EFCAB14: variants seen among roughly 807,000 people sequenced by gnomAD.
EFCAB14 encodes EF-hand calcium binding domain 14.
In EFCAB14, 43 loss-of-function variants were observed where a neutral mutation model predicts 56.5. That is an observed-to-expected ratio of 0.76 (90% CI 0.60 to 0.98). EFCAB14 has a LOEUF of 0.98. Among genes scored for constraint, EFCAB14 ranks in the 50% least tolerant of loss-of-function variants. The probability of loss-of-function intolerance (pLI) is 0.00; values close to 1 mark genes in which losing one functional copy is unlikely to be tolerated. For synonymous variants in EFCAB14, 235 were observed against 212.9 expected, an observed-to-expected ratio of 1.10 and a Z score of -0.90; for missense variants, 538 against 580.3, an observed-to-expected ratio of 0.93 and a Z score of 0.75.
At chr1:46,707,823 C>T (rs1419176355) in intron 3 of EFCAB14, 83 bp downstream of exon 3, 3 of 1,366,466 alleles carry the variant, frequency 2.2e-6, no homozygotes, top group Middle Eastern at 5.4e-4. Context: ...ATTCCCTATA[C>T]CTACAATTCT....
chr1:46,711,327 T>C (rs1472596568), intron 2 of EFCAB14, among the ~76,000 whole-genome samples: 1 of 152,252 alleles, frequency 6.6e-6, no homozygotes, highest in Non-Finnish European at 1.5e-5. Flanking sequence ...CATACTCAGG[T>C]ACCCCGAAGG....
chr1:46,694,244 A>G (rs924816318), intron 4 of EFCAB14, among the ~76,000 whole-genome samples: 1 of 152,216 alleles, frequency 6.6e-6, no homozygotes, highest in African/African-American at 2.4e-5. Context: ...TAACTAAACT[A>G]AAGAGCTTCT....
chr1:46,690,993 T>C (rs1157095521), intron 5 of EFCAB14, among the ~76,000 whole-genome samples: 1 of 152,104 alleles, frequency 6.6e-6, no homozygotes, highest in Non-Finnish European at 1.5e-5. Flanking sequence ...GAGTTACATA[T>C]AACTCATCTC....
chr1:46,703,172 C>T lies in EFCAB14; in HGVS notation c.480+4734G>A, dbSNP rs560923280. ...TCGCCCAGGCTGGAGTGCAATGGCACGATCTCAGCTCACTGCAACCTCTGC... is the reference window on the plus strand; with the variant it reads ...TCGCCCAGGCTGGAGTGCAATGGCATGATCTCAGCTCACTGCAACCTCTGC... On this transcript the variant is annotated intron_variant, in intron 3 of 10. Coordinates refer to ENST00000371933, the MANE Select transcript of EFCAB14 (RefSeq NM_014774.3). Among the ~76,000 whole-genome samples the T allele has an allele frequency of 9.9e-5, 15 of 151,868 alleles. No homozygotes were observed. The East Asian group carries it at 2.1e-3, about 22-fold the overall frequency.
intron 3 of EFCAB14, among the ~76,000 whole-genome samples, chr1:46,703,316 G>T (rs1677186814): frequency 6.6e-6 from 1 of 152,100 alleles, no homozygotes; most frequent in Non-Finnish European, 1.5e-5. Context: ...CACCATGTTG[G>T]CCAGGCTGGT....
chr1:46,678,355 GC>G lies in EFCAB14; in HGVS notation c.*105del, dbSNP rs1188192792. 7 of 1,212,336 alleles carry G rather than the reference GC, an allele frequency of 5.8e-6. No homozygotes were observed. The African/African-American group carries it at 1.1e-4, about 19-fold the overall frequency. The allele number at this position is 1,212,336 out of a possible 1,614,324, so 75.1% of individuals were successfully genotyped here. On this transcript the variant is annotated 3_prime_UTR_variant, in exon 11 of 11. Coordinates refer to ENST00000371933, the MANE Select transcript of EFCAB14 (RefSeq NM_014774.3). ...CAAGTTAAAAGGTGGCAAAGTATCTGCTACAGTAGTTTGGAGGACTAGAGGA... is the reference window on the plus strand; with the variant it reads ...CAAGTTAAAAGGTGGCAAAGTATCTGTACAGTAGTTTGGAGGACTAGAGGA...
Position 46,677,650 on chromosome 1 carries a change from T to A in EFCAB14, c.*811A>T, listed in dbSNP as rs1676716894. 1 of 152,140 alleles carries A rather than the reference T, an allele frequency of 6.6e-6. No individual in the cohort carries two copies. Among genetic ancestry groups the A allele is most frequent in the Non-Finnish European group, 1.5e-5 (1 of 68,028 alleles). 9.4% of individuals were successfully genotyped at this position (152,140 alleles called of 1,614,324 possible). A position where few individuals can be genotyped will look rare whatever the true frequency, so the allele number is the denominator to read the frequency against. ...AAAATGGAGCTCCCCAATGGATAAC[T>A]TTTTATGCTCATAAACCCTGAAATA... On this transcript the variant is annotated 3_prime_UTR_variant, in exon 11 of 11. Coordinates refer to ENST00000371933, the MANE Select transcript of EFCAB14 (RefSeq NM_014774.3).
rs769730395 is a variant in EFCAB14, at chr1:46,691,962, G to A, written c.580-25C>T. On this transcript the variant is annotated intron_variant, in intron 4 of 10. Coordinates refer to ENST00000371933, the MANE Select transcript of EFCAB14 (RefSeq NM_014774.3). Reference sequence around the variant, plus strand: ...TCTGAATGGAAACATATAGGAAGGTGTAAAAAAGCTTTAAGAGACAACTGA... The same window carrying A: ...TCTGAATGGAAACATATAGGAAGGTATAAAAAAGCTTTAAGAGACAACTGA... 60 of 1,577,908 alleles carry A rather than the reference G, an allele frequency of 3.8e-5. 1 individual carries two copies. The South Asian group carries it at 5.8e-4, about 15-fold the overall frequency.
chr1:46,710,522 A>C (rs1557450606), intron 2 of EFCAB14, among the ~76,000 whole-genome samples: 1 of 151,712 alleles, frequency 6.6e-6, no homozygotes, highest in Non-Finnish European at 1.5e-5. Context: ...CCTCTGTTGT[A>C]TTTTTTACTT....
chr1:46,691,757 A>C (rs1676995754), intron 5 of EFCAB14, 70 bp downstream of exon 5: 3 of 1,126,442 alleles, frequency 2.7e-6, no homozygotes, highest in Non-Finnish European at 3.9e-6. Context: ...AGATTAGTGG[A>C]AAGTTGGCAA....
chr1:46,691,796 A>G, intron 5 of EFCAB14, 31 bp downstream of exon 5: 1 of 1,545,282 alleles, frequency 6.5e-7, no homozygotes, highest in South Asian at 1.1e-5. Flanking sequence ...AAGGGTGAGC[A>G]GGAGCATGCT....
chr1:46,698,462 G>T (rs1677107492), intron 3 of EFCAB14, among the ~76,000 whole-genome samples: 1 of 152,148 alleles, frequency 6.6e-6, no homozygotes, highest in Middle Eastern at 3.4e-3. Context: ...GGAAGCACTA[G>T]AAAAAAATTA....
At chr1:46,710,134 A>G (rs1450990698) in intron 2 of EFCAB14, among the ~76,000 whole-genome samples, 5 of 152,220 alleles carry the variant, frequency 3.3e-5, no homozygotes, top group African/African-American at 1.2e-4. Context: ...GAAATGAGAT[A>G]TATTTATTCA....
chr1:46,702,825 CAG>C (rs892334299), intron 3 of EFCAB14, among the ~76,000 whole-genome samples: 2 of 152,164 alleles, frequency 1.3e-5, no homozygotes, highest in African/African-American at 4.8e-5. Flanking sequence ...GAGAGCTACA[CAG>C]AGTACTATAG....
At chr1:46,712,708 C>A (rs776833272) in intron 2 of EFCAB14, among the ~76,000 whole-genome samples, 1 of 152,004 alleles carries the variant, frequency 6.6e-6, no homozygotes, top group African/African-American at 2.4e-5. Flanking sequence ...AAAAAATTAA[C>A]CTTAAAAAAT....
chr1:46,705,563 G>T (rs1569725680), intron 3 of EFCAB14, among the ~76,000 whole-genome samples: 2 of 152,232 alleles, frequency 1.3e-5, no homozygotes, highest in South Asian at 4.2e-4. Context: ...AGGTTAGCTG[G>T]CATGTGTAAA....
intron 1 of EFCAB14, among the ~76,000 whole-genome samples, chr1:46,717,083 C>T (rs141469686): frequency 1.4e-4 from 21 of 152,342 alleles, no homozygotes; most frequent in African/African-American, 4.6e-4. Flanking sequence ...AACACTTCAA[C>T]TGATCTTCAT....
Position 46,678,383 on chromosome 1 carries a change from T to TGATG in EFCAB14, c.*74_*77dup. ...ACAGTAGTTTGGAGGACTAGAGGACTGATGGGTAAGTAAGGGTTGTTTTGT... is the reference window on the plus strand; with the variant it reads ...ACAGTAGTTTGGAGGACTAGAGGACTGATGGATGGGTAAGTAAGGGTTGTTTTGT... On this transcript the variant is annotated 3_prime_UTR_variant, in exon 11 of 11. Coordinates refer to ENST00000371933, the MANE Select transcript of EFCAB14 (RefSeq NM_014774.3). The TGATG allele has an allele frequency of 6.6e-7, 1 of 1,516,624 alleles. No homozygotes were observed. Among genetic ancestry groups the TGATG allele is most frequent in the Non-Finnish European group, 9.0e-7 (1 of 1,104,980 alleles). The allele number at this position is 1,516,624 out of a possible 1,614,324, so 93.9% of individuals were successfully genotyped here.
chr1:46,717,830 C>A, intron 1 of EFCAB14, 73 bp downstream of exon 1: 1 of 1,510,910 alleles, frequency 6.6e-7, no homozygotes, highest in South Asian at 1.2e-5. Context: ...TTCCTTTCTC[C>A]TTCCTGTCAA....
Sources: gnomAD v4.1 joint callset for allele counts (sites outside exome capture counted in the v4.1 genomes callset) on GRCh38, gnomAD v4.1.1 for gene constraint, MANE v1.5 for transcripts, NCBI Gene and HGNC (gene_info 2026-07-23, HGNC 2026-07-21) for gene names.